Variants in LDB2 observed in about 807,000 individuals in gnomAD.
LDB2 encodes the protein LIM domain-binding protein 2.
A neutral mutation model predicts 44.3 loss-of-function variants in LDB2; 12 were observed. The observed-to-expected ratio is 0.27, with a 90% CI of 0.17 to 0.44. The LOEUF is 0.44. Ranked by LOEUF, LDB2 falls within the 20% of genes least tolerant of loss-of-function variation. LDB2 has a pLI of 1.00. For synonymous variants in LDB2, 164 were observed against 174.8 expected (o/e 0.94, Z 0.49); for missense variants, 344 against 473.5 (o/e 0.73, Z 2.54).
intron 2 of LDB2, among the ~76,000 whole-genome samples, chr4:16,672,850 T>TC (rs772294662): frequency 1.3e-5 from 2 of 151,528 alleles, no homozygotes; most frequent in African/African-American, 2.4e-5. Flanking sequence ...CTTCCTTCCT[T>TC]CCTTTCCTCC....
chr4:16,699,538 T>A (rs1257607686), intron 2 of LDB2, among the ~76,000 whole-genome samples: 1 of 152,180 alleles, frequency 6.6e-6, no homozygotes, highest in Non-Finnish European at 1.5e-5. Context: ...TGTATCCATA[T>A]CCATTATGCA....
At chr4:16,836,851 CTT>C (rs887795742) in intron 1 of LDB2, among the ~76,000 whole-genome samples, 5 of 152,154 alleles carry the variant, frequency 3.3e-5, no homozygotes, top group African/African-American at 4.8e-5. Flanking sequence ...AGATTTTGAA[CTT>C]TAGCACTTTT....
intron 1 of LDB2, among the ~76,000 whole-genome samples, chr4:16,798,488 A>G (rs1777162354): frequency 6.6e-6 from 1 of 152,198 alleles, no homozygotes; most frequent in African/African-American, 2.4e-5. Context: ...AAACACACCA[A>G]CAAAATCAAT....
At chr4:16,624,483 G>A (rs1040233990) in intron 2 of LDB2, among the ~76,000 whole-genome samples, 12 of 152,116 alleles carry the variant, frequency 7.9e-5, no homozygotes, top group African/African-American at 2.2e-4. Context: ...TTATGTGCTC[G>A]TCATTGGATT....
At chr4:16,571,702 A>G (rs1231152338) in intron 5 of LDB2, among the ~76,000 whole-genome samples, 2 of 152,186 alleles carry the variant, frequency 1.3e-5, no homozygotes, top group Admixed American at 1.3e-4. Context: ...TCTATTTAGG[A>G]TTAAATGAAG....
intron 1 of LDB2, among the ~76,000 whole-genome samples, chr4:16,863,775 C>G (rs951274508): frequency 1.1e-4 from 16 of 151,182 alleles, no homozygotes; most frequent in African/African-American, 3.9e-4. Flanking sequence ...ATTCTCCTGC[C>G]TCAGCCTTCC....
At chr4:16,727,532 C>T (rs1335021386) in intron 2 of LDB2, among the ~76,000 whole-genome samples, 1 of 152,076 alleles carries the variant, frequency 6.6e-6, no homozygotes, top group Non-Finnish European at 1.5e-5. Context: ...TCTCTGAACC[C>T]CTTTTTGAGG....
At chr4:16,512,607 G>A (rs1290890319) in intron 5 of LDB2, among the ~76,000 whole-genome samples, 3 of 152,338 alleles carry the variant, frequency 2.0e-5, no homozygotes, top group Non-Finnish European at 4.4e-5. Context: ...TTAAACTGGA[G>A]AACAGAGTGG....
At chr4:16,834,791 C>A (rs950171819) in intron 1 of LDB2, among the ~76,000 whole-genome samples, 2 of 150,858 alleles carry the variant, frequency 1.3e-5, no homozygotes, top group Non-Finnish European at 2.9e-5. Context: ...TGTGCCACTG[C>A]ACTCCAGCCT....
Position 16,693,527 on chromosome 4 carries a change from T to C in LDB2, c.235+65631A>G, listed in dbSNP as rs116786408. On this transcript the variant is annotated intron_variant, in intron 2 of 7. Transcript: ENST00000304523. ...TGTGCCACCACATCCGGCCAATTTT[T>C]GTAGTTTTTAGTAGAGACGGGTTTC... is the stretch of plus-strand genomic sequence containing the variant. Among the ~76,000 whole-genome samples the C allele has an allele frequency of 5.5e-3, 834 of 152,234 alleles. 4 individuals carry two copies. Among genetic ancestry groups the C allele is most frequent in the African/African-American group, 0.019 (789 of 41,544 alleles).
intron 6 of LDB2, among the ~76,000 whole-genome samples, chr4:16,509,203 C>G (rs1312714614): frequency 2.6e-5 from 4 of 152,300 alleles, no homozygotes; most frequent in African/African-American, 9.6e-5. Context: ...CAACCCACCT[C>G]TATTATACCT....
intron 1 of LDB2, among the ~76,000 whole-genome samples, chr4:16,855,975 G>T (rs544448738): frequency 1.3e-5 from 2 of 152,226 alleles, no homozygotes; most frequent in African/African-American, 4.8e-5. Context: ...TAACACTTAA[G>T]AAAATACCAC....
At chr4:16,801,100 G>T (rs1016855594) in intron 1 of LDB2, among the ~76,000 whole-genome samples, 11 of 152,160 alleles carry the variant, frequency 7.2e-5, no homozygotes, top group African/African-American at 2.7e-4. Context: ...GCTTGCCTTG[G>T]GCAGTGCTGT....
At chr4:16,680,421 A>C (rs1256262245) in intron 2 of LDB2, among the ~76,000 whole-genome samples, 1 of 152,200 alleles carries the variant, frequency 6.6e-6, no homozygotes, top group African/African-American at 2.4e-5. Flanking sequence ...CAAAGAGCAT[A>C]AGTGCTTGCC....
chr4:16,624,982 C>T (rs1012549141), intron 2 of LDB2, among the ~76,000 whole-genome samples: 5 of 152,196 alleles, frequency 3.3e-5, no homozygotes, highest in Non-Finnish European at 7.3e-5. Context: ...TGGCCAAGTT[C>T]TCTCATCTTT....
intron 1 of LDB2, among the ~76,000 whole-genome samples, chr4:16,835,192 G>T (rs1202219607): frequency 6.6e-6 from 1 of 152,124 alleles, no homozygotes; most frequent in Non-Finnish European, 1.5e-5. Flanking sequence ...TTTACAATTT[G>T]AGTTTTGAAG....
In LDB2 at chr4:16,759,267, A is replaced by G; in HGVS notation, c.133-7T>C. 1 of 1,578,352 alleles carries G rather than the reference A, an allele frequency of 6.3e-7. No individual in the cohort carries two copies. Among genetic ancestry groups the G allele is most frequent in the Non-Finnish European group, 8.7e-7 (1 of 1,147,498 alleles). ...ACCAGAGGTTGTCACTATCCTGCAA[A>G]GAGACAGATCATTTATTTAACAAGG... On this transcript the variant is annotated splice_region_variant and splice_polypyrimidine_tract_variant and intron_variant, in intron 1 of 7. Coordinates refer to ENST00000304523, the MANE Select transcript of LDB2 (RefSeq NM_001290.5).
intron 2 of LDB2, among the ~76,000 whole-genome samples, chr4:16,708,889 G>A (rs1319032901): frequency 6.6e-6 from 1 of 151,968 alleles, no homozygotes; most frequent in African/African-American, 2.4e-5. Context: ...AAGGGAAAAT[G>A]ACAATAATCT....
chr4:16,582,173 T>A lies in LDB2; in HGVS notation c.615+3749A>T, dbSNP rs1448331373. 6.6e-6 allele frequency among the ~76,000 whole-genome samples: 1 copy of A among 152,188 alleles called. No homozygotes were observed. The highest frequency in any genetic ancestry group is 1.5e-5 in the Non-Finnish European group (1 of 68,026). On this transcript the variant is annotated intron_variant, in intron 5 of 7. Coordinates refer to ENST00000304523, the MANE Select transcript of LDB2 (RefSeq NM_001290.5). This position sits in a 1 kb window ranked among gnomAD's most constrained non-coding sequence, Gnocchi z 4.8. ...TGGGAGCAATTTCTCTCCAAGAGTG[T>A]ATTTGTTTTTCTTTCTTACATTCTA... is the stretch of plus-strand genomic sequence containing the variant.
Sources: gnomAD v4.1 joint callset for allele counts (sites outside exome capture counted in the v4.1 genomes callset) on GRCh38, gnomAD v4.1.1 for gene constraint, Gnocchi (gnomAD v3.1) non-coding constraint, MANE v1.5 for transcripts, NCBI Gene and HGNC (gene_info 2026-07-23, HGNC 2026-07-21) for gene names.